CSMD1: variants seen among roughly 807,000 people sequenced by gnomAD.
The protein encoded by CSMD1 is CUB and sushi domain-containing protein 1.
A neutral mutation model predicts 417.5 loss-of-function variants in CSMD1; 213 were observed. That is an observed-to-expected ratio of 0.51 (90% CI 0.46 to 0.57). CSMD1 has a LOEUF of 0.57. CSMD1 is among the 20% of genes least tolerant of loss of function. The pLI is 0.00. For missense variants in CSMD1, 6,923 were observed against 4,529.7 expected, an observed-to-expected ratio of 1.53 and a Z score of -15.17; for synonymous variants, 2,862 against 1,736.8, an observed-to-expected ratio of 1.65 and a Z score of -16.11.
intron 3 of CSMD1, among the ~76,000 whole-genome samples, chr8:4,210,834 G>GT (rs1417427515): frequency 6.6e-6 from 1 of 152,108 alleles, no homozygotes; most frequent in Non-Finnish European, 1.5e-5. Flanking sequence ...AAAGAATCAT[G>GT]TATCTCGGGA....
chr8:3,000,645 T>G (rs1178188452), intron 52 of CSMD1, among the ~76,000 whole-genome samples: 2 of 152,146 alleles, frequency 1.3e-5, no homozygotes, highest in Non-Finnish European at 2.9e-5. Context: ...AAATCTGAGT[T>G]ATGGGTGAGC....
At chr8:4,968,887 C>G (rs1810057417) in intron 1 of CSMD1, among the ~76,000 whole-genome samples, 1 of 152,198 alleles carries the variant, frequency 6.6e-6, no homozygotes, top group Non-Finnish European at 1.5e-5. Context: ...ATCAGTCTGT[C>G]TCTCGGGTTG....
chr8:3,662,160 G>C (rs192725772), intron 7 of CSMD1, among the ~76,000 whole-genome samples: 34 of 152,286 alleles, frequency 2.2e-4, no homozygotes, highest in South Asian at 1.9e-3. Context: ...TATAGAGATA[G>C]CTCACCAAGG....
At chr8:2,978,008 C>T (rs1239964606) in intron 55 of CSMD1, among the ~76,000 whole-genome samples, 1 of 152,158 alleles carries the variant, frequency 6.6e-6, no homozygotes, top group Non-Finnish European at 1.5e-5. Context: ...TTTTGGAAGA[C>T]AGTGTAGCGA....
intron 12 of CSMD1, among the ~76,000 whole-genome samples, chr8:3,410,262 A>G (rs535557835): frequency 1.3e-5 from 2 of 152,340 alleles, no homozygotes; most frequent in Non-Finnish European, 2.9e-5. Context: ...TTATTTATTC[A>G]TTTAAAAGAC....
rs149984938 is a variant in CSMD1 at position 3,268,787 on chromosome 8, T to C, written c.4153+15357A>G. 8.9e-3 allele frequency among the ~76,000 whole-genome samples: 1,353 copies of C among 152,252 alleles called. 18 individuals are homozygous for C. Among genetic ancestry groups the C allele is most frequent in the Admixed American group, 0.032 (490 of 15,296 alleles). On this transcript the variant is annotated intron_variant, in intron 26 of 69. Coordinates refer to ENST00000635120, the MANE Select transcript of CSMD1 (RefSeq NM_033225.6). ...GTGTTGATTGGGAGTTTGAGACTTA[T>C]CAGAAAATTTTATGCCCAGGGTCCT...
intron 1 of CSMD1, among the ~76,000 whole-genome samples, chr8:4,857,854 AT>A (rs1374411818): frequency 3.3e-5 from 5 of 151,874 alleles, no homozygotes; most frequent in Admixed American, 1.3e-4. Context: ...AACTGGTACC[AT>A]TCCTTCTGAA....
chr8:3,780,623 G>A (rs1450387533), intron 5 of CSMD1, among the ~76,000 whole-genome samples: 1 of 152,114 alleles, frequency 6.6e-6, no homozygotes, highest in East Asian at 1.9e-4. Flanking sequence ...ATCAAACTGG[G>A]CCTGCTCCCA....
chr8:3,284,850 T>C (rs1376132525), intron 25 of CSMD1, among the ~76,000 whole-genome samples: 4 of 152,234 alleles, frequency 2.6e-5, no homozygotes, highest in African/African-American at 9.6e-5. Context: ...TCTTGTGTTG[T>C]ACTTCTTTCT....
At chr8:4,349,789 T>C (rs1185226537) in intron 3 of CSMD1, among the ~76,000 whole-genome samples, 1 of 151,914 alleles carries the variant, frequency 6.6e-6, no homozygotes, top group Admixed American at 6.6e-5. Flanking sequence ...TTTATTTGTC[T>C]CAATTGCTTA....
chr8:4,914,661 C>G (rs1204514319), intron 1 of CSMD1, among the ~76,000 whole-genome samples: 2 of 151,632 alleles, frequency 1.3e-5, no homozygotes, highest in Non-Finnish European at 2.9e-5. Flanking sequence ...AGCAGATCCT[C>G]TGTTTGGACA....
intron 5 of CSMD1, among the ~76,000 whole-genome samples, chr8:3,924,605 A>G (rs1809509122): frequency 1.3e-5 from 2 of 152,082 alleles, no homozygotes; most frequent in Non-Finnish European, 2.9e-5. Context: ...TCTGTCTTAT[A>G]TTTCACTAAT....
intron 4 of CSMD1, among the ~76,000 whole-genome samples, chr8:4,029,921 T>C (rs915885315): frequency 6.6e-6 from 1 of 152,188 alleles, no homozygotes; most frequent in Non-Finnish European, 1.5e-5. Context: ...CTACTGGCCC[T>C]ATGTAAGTAT....
At chr8:3,782,847 C>T (rs1194856484) in intron 5 of CSMD1, among the ~76,000 whole-genome samples, 1 of 152,144 alleles carries the variant, frequency 6.6e-6, no homozygotes, top group African/African-American at 2.4e-5. Context: ...GAGCGACTTT[C>T]TTGCCCTAGC....
chr8:4,401,819 C>T (rs562498257), intron 3 of CSMD1, among the ~76,000 whole-genome samples: 3 of 152,230 alleles, frequency 2.0e-5, no homozygotes, highest in South Asian at 4.2e-4. Context: ...CCCTCCGTTC[C>T]CTGGGATTGG....
chr8:3,648,336 T>C (rs1001801730), intron 7 of CSMD1, among the ~76,000 whole-genome samples: 2 of 152,230 alleles, frequency 1.3e-5, no homozygotes, highest in African/African-American at 2.4e-5. Context: ...TGTTGCTATA[T>C]TGAACAATAT....
chr8:3,927,157 T>G (rs946076663), intron 5 of CSMD1, among the ~76,000 whole-genome samples: 1 of 151,976 alleles, frequency 6.6e-6, no homozygotes, highest in African/African-American at 2.4e-5. Flanking sequence ...AGGGTTGTCA[T>G]AAAGTTTTGA....
chr8:3,478,296 A>C (rs919312409), intron 11 of CSMD1, among the ~76,000 whole-genome samples: 2 of 152,238 alleles, frequency 1.3e-5, no homozygotes, highest in African/African-American at 4.8e-5. Flanking sequence ...AAACCTCTTG[A>C]TCTTGCAGAT....
chr8:3,779,292 G>C (rs747699636), intron 5 of CSMD1, among the ~76,000 whole-genome samples: 2 of 151,840 alleles, frequency 1.3e-5, no homozygotes, highest in East Asian at 1.9e-4. Context: ...ATGAAACTAG[G>C]CTTGAACTTT....
Sources: gnomAD v4.1 joint callset for allele counts (sites outside exome capture counted in the v4.1 genomes callset) on GRCh38, gnomAD v4.1.1 for gene constraint, MANE v1.5 for transcripts, NCBI Gene and HGNC (gene_info 2026-07-23, HGNC 2026-07-21) for gene names.